Variants in DDX60L observed in about 807,000 individuals in gnomAD.
DDX60L encodes DExD/H-box 60 like, also known as probable ATP-dependent RNA helicase DDX60-like.
Under a neutral mutation model 211.6 loss-of-function variants are expected in DDX60L, and 191 were observed. That is an observed-to-expected ratio of 0.90 (90% CI 0.80 to 1.02). DDX60L has a LOEUF of 1.02. DDX60L is among the 50% of genes least tolerant of loss of function. The pLI, the probability that DDX60L is intolerant of heterozygous loss-of-function variation, is 0.00. For missense variants in DDX60L, 2,007 were observed against 1,984.1 expected, an observed-to-expected ratio of 1.01 and a Z score of -0.22; for synonymous variants, 706 against 694.1, an observed-to-expected ratio of 1.02 and a Z score of -0.27.
chr4:168,422,667 C>T lies in DDX60L; in HGVS notation c.2101G>A (p.Gly701Arg), dbSNP rs763207313. ...LANSLDPTLI[G>R]DDKNKKKYSI... ...TATTTCTTCTTATTTTTGTCATCTC[C>T]TATCTGTTATTTTAATATATTATTT... Residue 701 changes from glycine (G) to arginine (R), a missense_variant, in exon 16 of 38, where the codon GGA becomes AGA. By Grantham distance (125) the Gly-to-Arg change is moderately radical (BLOSUM62 -2). Transcript: ENST00000682922. The T allele has an allele frequency of 1.9e-5, 30 of 1,574,948 alleles. No individual in the cohort carries two copies. The highest frequency in any genetic ancestry group is 2.5e-5 in the Non-Finnish European group (29 of 1,159,978).
rs756497150 is a variant in DDX60L at position 168,441,458 on chromosome 4, C to G, written c.1173G>C (p.Arg391Ser). Residue 391 changes from arginine to serine, a missense_variant, in exon 10 of 38, where the codon AGG becomes AGC. Physicochemically the swap from Arg to Ser is moderately radical, Grantham distance 110 (BLOSUM62 -1). Transcript: ENST00000682922. ...CAACATTCCACAGGTCTTCATAATC[C>G]CTCCTAATGGAATCTCCCAAATTCA... ...PHLNLGDSIR[R>S]DYEDLWNVVS... 3.1e-5 allele frequency: 50 copies of G among 1,608,550 alleles called. No individual in the cohort carries two copies. The highest frequency in any genetic ancestry group is 1.7e-4 in the Middle Eastern group (1 of 6,034).
chr4:168,457,991 C>T lies in DDX60L; in HGVS notation c.624G>A (p.Gln208=). ...TFSKENETVI[Q]SAYKSLIQHL... is the part of the protein sequence containing the mutation. ...GTTGTATGAGGCTTTTATATGCACT[C>T]TGAATCACTGTTTCATTCTGTAAAA... is the stretch of plus-strand genomic sequence containing the variant. The change falls in exon 6 of 38, where the codon CAG becomes CAA. Residue 208 remains glutamine (Q), a synonymous_variant. Transcript: ENST00000682922. 6.5e-7 allele frequency: 1 copy of T among 1,547,938 alleles called. No individual in the cohort carries two copies. Among genetic ancestry groups the T allele is most frequent in the Non-Finnish European group, 8.8e-7 (1 of 1,141,070 alleles).
intron 10 of DDX60L, among the ~76,000 whole-genome samples, chr4:168,435,640 GACC>G (rs2149966604): frequency 6.6e-6 from 1 of 152,176 alleles, no homozygotes; most frequent in African/African-American, 2.4e-5. Flanking sequence ...TGTTAATAAA[GACC>G]ACCAGGAGCT....
At chr4:168,462,151 AT>A in intron 4 of DDX60L, 111 bp from the exon 5 acceptor site, 1 of 805,788 alleles carries the variant, frequency 1.2e-6, no homozygotes, top group Non-Finnish European at 1.9e-6. Context: ...ATGTGATCTA[AT>A]TGTTTTGCTC....
At chr4:168,370,551 T>C (rs1019939755) in intron 36 of DDX60L, among the ~76,000 whole-genome samples, 3 of 152,128 alleles carry the variant, frequency 2.0e-5, no homozygotes, top group Non-Finnish European at 4.4e-5. Context: ...CAGCATTGTA[T>C]TGTAGATTAC....
chr4:168,464,734 T>G (rs1449299293), intron 4 of DDX60L, among the ~76,000 whole-genome samples: 1 of 152,086 alleles, frequency 6.6e-6, no homozygotes, highest in East Asian at 1.9e-4. Context: ...CTCTTCTAAC[T>G]ATGTGAAAAA....
chr4:168,457,936 C>G lies in DDX60L; in HGVS notation c.679G>C (p.Ala227Pro), dbSNP rs528251905. ...CATTTCAAATGTTCAAAATGAGTTG[C>G]TAATACTAAAACCCTTATTTCTTCC... ...HLEEIRVLVL[A>P]THFEHLKWND... The change falls in exon 6 of 38, where the codon GCA becomes CCA. Residue 227 changes from alanine (A) to proline (P), a missense_variant. By Grantham distance (27) the Ala-to-Pro change is conservative. Coordinates refer to ENST00000682922, the MANE Select transcript of DDX60L (RefSeq NM_001012967.3). 4.1e-5 allele frequency: 65 copies of G among 1,569,622 alleles called. 1 individual carries two copies. In the South Asian group the frequency reaches 7.5e-4, roughly 18 times the overall value.
chr4:168,422,430 A>T, intron 16 of DDX60L, 94 bp downstream of exon 16: 2 of 1,219,620 alleles, frequency 1.6e-6, no homozygotes, highest in Non-Finnish European at 2.3e-6. Flanking sequence ...AAACAAGATT[A>T]AGAAGTTTAT....
chr4:168,375,163 G>C (rs1294721196), intron 34 of DDX60L, among the ~76,000 whole-genome samples: 2 of 151,850 alleles, frequency 1.3e-5, no homozygotes, highest in Non-Finnish European at 2.9e-5. Flanking sequence ...TTAATATTTG[G>C]TAATTATAAA....
intron 6 of DDX60L, among the ~76,000 whole-genome samples, chr4:168,456,472 TA>T (rs2150076151): frequency 6.6e-6 from 1 of 152,244 alleles, no homozygotes; most frequent in East Asian, 1.9e-4. Flanking sequence ...CCCATTTTAC[TA>T]AAAATCAGAG....
In DDX60L at chr4:168,400,807, AG is replaced by A. The variant is rs1560992070; in HGVS notation, c.3491+18del. ...TAGTCTTCAGGGGCCAATTTGTTTA[AG>A]TAAACATTAATACTTACATCCTTTT... On this transcript the variant is annotated intron_variant, in intron 26 of 37. Transcript: ENST00000682922. The A allele has an allele frequency of 6.3e-7, 1 of 1,587,246 alleles. No homozygotes were observed. Among genetic ancestry groups the A allele is most frequent in the South Asian group, 1.2e-5 (1 of 86,652 alleles).
intron 19 of DDX60L, among the ~76,000 whole-genome samples, chr4:168,417,015 A>G (rs1456945862): frequency 6.6e-6 from 1 of 152,170 alleles, no homozygotes; most frequent in Non-Finnish European, 1.5e-5. Context: ...TCCAATTCCA[A>G]AAATCTATTT....
At chr4:168,443,690 C>T (rs1579686561) in intron 9 of DDX60L, among the ~76,000 whole-genome samples, 1 of 149,382 alleles carries the variant, frequency 6.7e-6, no homozygotes, top group Non-Finnish European at 1.5e-5. Flanking sequence ...CGGCAGAAAC[C>T]CTACAAGCCA....
chr4:168,397,932 C>G (rs1046257566), intron 26 of DDX60L, among the ~76,000 whole-genome samples: 1 of 152,076 alleles, frequency 6.6e-6, no homozygotes, highest in Non-Finnish European at 1.5e-5. Context: ...CATCCCTGTG[C>G]TCTTGGGGGC....
chr4:168,375,285 A>AC, intron 34 of DDX60L, 92 bp downstream of exon 34: 1 of 1,371,174 alleles, frequency 7.3e-7, no homozygotes, highest in East Asian at 2.5e-5. Flanking sequence ...AAGCTCCTTT[A>AC]CCAGCTTTGA....
In DDX60L at chr4:168,423,693, A is replaced by T; in HGVS notation, c.2012T>A (p.Leu671Ter). The T allele has an allele frequency of 6.2e-7, 1 of 1,607,952 alleles. No individual in the cohort carries two copies. Reference sequence around the variant, plus strand: ...TATATATTGATGATGTTCTGCTTCCAAAATTTCTGGGTATCTCTCCAGGAG... The same window carrying T: ...TATATATTGATGATGTTCTGCTTCCTAAATTTCTGGGTATCTCTCCAGGAG... ...HSLLERYPEI[L>*]EAEHHQYIAK... Residue 671 changes from leucine (L) to a stop codon, truncating the protein, a stop_gained, in exon 15 of 38, where the codon TTG becomes TAG. Coordinates refer to ENST00000682922, the MANE Select transcript of DDX60L (RefSeq NM_001012967.3). LOFTEE classifies it high-confidence loss of function.
chr4:168,469,567 C>A (rs1248100896), intron 4 of DDX60L: 1 of 152,078 alleles, frequency 6.6e-6, no homozygotes, highest in Non-Finnish European at 1.5e-5. Context: ...ATCTGGTCAT[C>A]CAAAGATAGT....
rs1304884287 is a variant in DDX60L, at chr4:168,415,651, G to C, written c.2869+6C>G. On this transcript the variant is annotated splice_donor_region_variant and intron_variant, in intron 21 of 37. Transcript: ENST00000682922. ...ATATAGTAAAACATAAAAAAAATAA[G>C]CTTACCAAGTCTAACTTCATATGAT... is the stretch of plus-strand genomic sequence containing the variant. 1 of 1,549,260 alleles carries C rather than the reference G, an allele frequency of 6.5e-7. No individual in the cohort carries two copies. The highest frequency in any genetic ancestry group is 8.7e-7 in the Non-Finnish European group (1 of 1,146,906).
chr4:168,384,625 T>C lies in DDX60L; in HGVS notation c.4103A>G (p.Asp1368Gly). Residue 1368 changes from aspartate (D) to glycine (G), a missense_variant, in exon 30 of 38, where the codon GAT becomes GGT. Transcript: ENST00000682922. ...CCAGCACGGTACCTTTGCCTTGGCATCCTCTGGGTCATCTCCCTTGGAAGC... is the reference window on the plus strand; with the variant it reads ...CCAGCACGGTACCTTTGCCTTGGCACCCTCTGGGTCATCTCCCTTGGAAGC... ...LLASKGDDPE[D>G]AKAKVLSVLK... The C allele has an allele frequency of 6.2e-7, 1 of 1,613,954 alleles. No individual in the cohort carries two copies. Among genetic ancestry groups the C allele is most frequent in the African/African-American group, 1.3e-5 (1 of 75,050 alleles).
Sources: gnomAD v4.1 joint callset for allele counts (sites outside exome capture counted in the v4.1 genomes callset) on GRCh38, gnomAD v4.1.1 for gene constraint, MANE v1.5 for transcripts, NCBI Gene and HGNC (gene_info 2026-07-23, HGNC 2026-07-21) for gene names.